Variants in BTBD9 observed in about 807,000 individuals in gnomAD.
BTBD9 encodes the protein BTB/POZ domain-containing protein 9.
A neutral mutation model predicts 64.3 loss-of-function variants in BTBD9; 49 were observed. The observed-to-expected ratio is 0.76, with a 90% CI of 0.61 to 0.97. The LOEUF (loss-of-function observed/expected upper bound fraction) is 0.97, where lower values mean the gene tolerates loss of function less well. BTBD9 is among the 50% of genes least tolerant of loss of function. BTBD9 has a pLI of 0.00. For synonymous variants in BTBD9, 260 were observed against 274.7 expected (o/e 0.95, Z 0.53); for missense variants, 598 against 762.1 (o/e 0.78, Z 2.53).
chr6:38,617,670 T>C (rs182117254), intron 1 of BTBD9, among the ~76,000 whole-genome samples: 4 of 152,132 alleles, frequency 2.6e-5, no homozygotes, highest in African/African-American at 7.2e-5. Flanking sequence ...GACTCCAAAA[T>C]TGGGGGGATG....
intron 6 of BTBD9, among the ~76,000 whole-genome samples, chr6:38,362,261 T>C (rs570383779): frequency 1.8e-4 from 27 of 152,352 alleles, no homozygotes; most frequent in Non-Finnish European, 3.5e-4. Context: ...TAACTTCTAT[T>C]ATGGTGTGTC....
intron 6 of BTBD9, among the ~76,000 whole-genome samples, chr6:38,519,461 T>C (rs956393375): frequency 6.6e-6 from 1 of 152,212 alleles, no homozygotes; most frequent in African/African-American, 2.4e-5. Flanking sequence ...CTGATAGATA[T>C]GTGACACAGC....
At chr6:38,440,290 G>A (rs7753889) in intron 6 of BTBD9, among the ~76,000 whole-genome samples, 2,710 of 152,262 alleles carry the variant, frequency 0.018, 73 homozygotes, top group African/African-American at 0.061. Flanking sequence ...CCGGCAAAAC[G>A]CACTAAGTAG....
chr6:38,192,720 G>T, intron 9 of BTBD9, 123 bp from the exon 10 acceptor site: 2 of 805,396 alleles, frequency 2.5e-6, no homozygotes, highest in South Asian at 1.5e-5. Flanking sequence ...TGCACTATAG[G>T]AGGGGCAGGC....
At chr6:38,214,662 C>G in intron 9 of BTBD9, among the ~76,000 whole-genome samples, 1 of 152,058 alleles carries the variant, frequency 6.6e-6, no homozygotes, top group East Asian at 1.9e-4. Flanking sequence ...ACCAGCAACC[C>G]CAGAGATTCC....
At chr6:38,376,050 C>T (rs1765686269) in intron 6 of BTBD9, among the ~76,000 whole-genome samples, 1 of 152,116 alleles carries the variant, frequency 6.6e-6, no homozygotes, top group Non-Finnish European at 1.5e-5. Context: ...AGAAAGCATA[C>T]CCAAAATTTA....
At chr6:38,186,328 A>G (rs936646646) in intron 10 of BTBD9, among the ~76,000 whole-genome samples, 1 of 152,222 alleles carries the variant, frequency 6.6e-6, no homozygotes, top group African/African-American at 2.4e-5. Context: ...AGCAAATACT[A>G]GCTACTATTA....
chr6:38,498,261 G>C (rs1772043414), intron 6 of BTBD9, among the ~76,000 whole-genome samples: 1 of 152,122 alleles, frequency 6.6e-6, no homozygotes, highest in South Asian at 2.1e-4. Flanking sequence ...GGACTGGTGA[G>C]GTATCAAGGA....
In BTBD9 at chr6:38,330,845, G is replaced by A. The variant is rs966622868; in HGVS notation, c.1264+14139C>T. Among the ~76,000 whole-genome samples the A allele has an allele frequency of 2.6e-5, 4 of 152,136 alleles. No individual in the cohort carries two copies. The South Asian group carries it at 6.2e-4, about 24-fold the overall frequency. On this transcript the variant is annotated intron_variant, in intron 7 of 10. Coordinates refer to ENST00000481247, the MANE Select transcript of BTBD9 (RefSeq NM_001099272.2). ...TTGGCCACAAATTTTAGAAATAAAA[G>A]TTAAACCTCTACCTCAGACCAAACA...
chr6:38,416,119 A>G (rs551251609), intron 6 of BTBD9, among the ~76,000 whole-genome samples: 17 of 152,264 alleles, frequency 1.1e-4, no homozygotes, highest in African/African-American at 3.8e-4. Flanking sequence ...GGAGAAAAAC[A>G]CTTCTGATTA....
At chr6:38,225,818 C>A (rs978811) in intron 9 of BTBD9, among the ~76,000 whole-genome samples, 125,314 of 151,676 alleles carry the variant, frequency 0.83, 51,918 homozygotes, top group East Asian at 0.95. Context: ...CTAGTCAGAA[C>A]GACCTAATGA....
intron 6 of BTBD9, among the ~76,000 whole-genome samples, chr6:38,355,815 T>C (rs1465876201): frequency 2.0e-5 from 3 of 152,202 alleles, no homozygotes; most frequent in African/African-American, 7.2e-5. Context: ...TCTCACACTT[T>C]CTTCTTTCTT....
Position 38,634,309 on chromosome 6 carries a change from C to T in BTBD9, c.-28+5491G>A, listed in dbSNP as rs146051584. 1.3e-3 allele frequency among the ~76,000 whole-genome samples: 204 copies of T among 152,308 alleles called. 1 individual carries two copies. Among genetic ancestry groups the T allele is most frequent in the African/African-American group, 4.6e-3 (193 of 41,566 alleles). On this transcript the variant is annotated intron_variant, in intron 1 of 10. Transcript: ENST00000481247. ...TGCCAAAAGTCTTCAGTATATGAAA[C>T]ATGTAAAACCCAAAGAATATTGGCA...
chr6:38,424,608 C>A (rs1349873044), intron 6 of BTBD9, among the ~76,000 whole-genome samples: 1 of 151,818 alleles, frequency 6.6e-6, no homozygotes, highest in Non-Finnish European at 1.5e-5. Context: ...CCGCTGCCTC[C>A]CGGGTTCAAG....
At chr6:38,204,036 G>A (rs964517033) in intron 9 of BTBD9, among the ~76,000 whole-genome samples, 2 of 151,900 alleles carry the variant, frequency 1.3e-5, no homozygotes, top group Non-Finnish European at 2.9e-5. Context: ...AAAACACTAT[G>A]TATCAATAAA....
chr6:38,632,625 T>C (rs1226708510), intron 1 of BTBD9, among the ~76,000 whole-genome samples: 2 of 152,166 alleles, frequency 1.3e-5, no homozygotes, highest in African/African-American at 4.8e-5. Flanking sequence ...TCTAGAAAAC[T>C]TGGCACCTAT....
chr6:38,466,300 T>TCC (rs1318023867), intron 6 of BTBD9, among the ~76,000 whole-genome samples: 1 of 142,314 alleles, frequency 7.0e-6, no homozygotes, highest in African/African-American at 2.6e-5. Flanking sequence ...TTTTTTTTTT[T>TCC]TTTTTTTTTT....
chr6:38,224,834 G>A (rs1473342150), intron 9 of BTBD9, among the ~76,000 whole-genome samples: 1 of 152,210 alleles, frequency 6.6e-6, no homozygotes, highest in African/African-American at 2.4e-5. Flanking sequence ...GAATATGTGT[G>A]TTAGGTAGTA....
chr6:38,176,203 G>T (rs1176201685), intron 10 of BTBD9, among the ~76,000 whole-genome samples: 1 of 152,242 alleles, frequency 6.6e-6, no homozygotes, highest in Non-Finnish European at 1.5e-5. Context: ...GCACGAGCAT[G>T]TGTGCACATA....
Sources: gnomAD v4.1 joint callset for allele counts (sites outside exome capture counted in the v4.1 genomes callset) on GRCh38, gnomAD v4.1.1 for gene constraint, MANE v1.5 for transcripts, NCBI Gene and HGNC (gene_info 2026-07-23, HGNC 2026-07-21) for gene names.